ZNF804A: variants seen among roughly 807,000 people sequenced by gnomAD.
The protein encoded by ZNF804A is zinc finger protein 804A.
Under a neutral mutation model 16.5 loss-of-function variants are expected in ZNF804A, and 2 were observed. The observed-to-expected ratio is 0.12, with a 90% CI of 0.05 to 0.38. ZNF804A has a LOEUF of 0.38. ZNF804A is among the 10% of genes least tolerant of loss of function. The pLI, the probability that ZNF804A is intolerant of heterozygous loss-of-function variation, is 0.99. For synonymous variants in ZNF804A, 534 were observed against 489.6 expected (o/e 1.09, Z -1.20); for missense variants, 1,473 against 1,390.7 (o/e 1.06, Z -0.94).
intron 1 of ZNF804A, among the ~76,000 whole-genome samples, chr2:184,810,094 C>G (rs1469543214): frequency 6.6e-6 from 1 of 152,156 alleles, no homozygotes; most frequent in Non-Finnish European, 1.5e-5. Context: ...GTCTGAAATA[C>G]TGGTGAAAAA....
At chr2:184,935,308 A>G (rs1402649456) in intron 3 of ZNF804A, among the ~76,000 whole-genome samples, 1 of 152,176 alleles carries the variant, frequency 6.6e-6, no homozygotes, top group Admixed American at 6.5e-5. Context: ...CTCTTGGTGA[A>G]TGCTGGGTGA....
intron 1 of ZNF804A, among the ~76,000 whole-genome samples, chr2:184,732,251 C>CG (rs1437805082): frequency 1.3e-5 from 1 of 79,796 alleles, no homozygotes; most frequent in African/African-American, 2.7e-5. Flanking sequence ...TGTTTAAACT[C>CG]ATTTTTTTTT....
chr2:184,787,990 C>T (rs529415323), intron 1 of ZNF804A, among the ~76,000 whole-genome samples: 2 of 151,840 alleles, frequency 1.3e-5, no homozygotes, highest in East Asian at 3.9e-4. Flanking sequence ...AGGTTTAGGC[C>T]TTTAATCCTT....
At position 184,849,498 on chromosome 2, in the gene ZNF804A, A is replaced by G. The variant is rs145557849; in HGVS notation, c.112-16871A>G. Among the ~76,000 whole-genome samples, 605 of 152,190 alleles carry G rather than the reference A, an allele frequency of 4.0e-3. 4 individuals carry two copies. Among genetic ancestry groups the G allele is most frequent in the African/African-American group, 0.014 (569 of 41,562 alleles). On this transcript the variant is annotated intron_variant, in intron 1 of 3. Coordinates refer to ENST00000302277, the MANE Select transcript of ZNF804A (RefSeq NM_194250.2). Reference sequence around the variant, plus strand: ...ATATGAAAAAATGCTCAATGCCACTAAACATCAGAGAACTGTAAATCAAAA... The same window carrying G: ...ATATGAAAAAATGCTCAATGCCACTGAACATCAGAGAACTGTAAATCAAAA...
chr2:184,906,394 G>A (rs892575620), intron 2 of ZNF804A, among the ~76,000 whole-genome samples: 8 of 152,084 alleles, frequency 5.3e-5, no homozygotes, highest in Non-Finnish European at 7.4e-5. Context: ...AACCTTCCAG[G>A]CTCAAGCAAT....
intron 2 of ZNF804A, among the ~76,000 whole-genome samples, chr2:184,882,179 TC>T (rs2105818183): frequency 6.6e-6 from 1 of 151,614 alleles, no homozygotes; most frequent in Admixed American, 6.6e-5. Context: ...ACAACAAATA[TC>T]AAAAAAAGAC....
chr2:184,743,913 T>C (rs959633494), intron 1 of ZNF804A, among the ~76,000 whole-genome samples: 1 of 151,968 alleles, frequency 6.6e-6, no homozygotes, highest in Non-Finnish European at 1.5e-5. Context: ...GATTTAGTAG[T>C]ATAAGAAGTA....
At chr2:184,780,638 G>T (rs1694358539) in intron 1 of ZNF804A, among the ~76,000 whole-genome samples, 1 of 151,678 alleles carries the variant, frequency 6.6e-6, no homozygotes, top group Non-Finnish European at 1.5e-5. Context: ...CTGGGGCAAG[G>T]TTTTTGACAC....
intron 1 of ZNF804A, among the ~76,000 whole-genome samples, chr2:184,847,869 T>A (rs1218662852): frequency 6.6e-6 from 1 of 152,014 alleles, no homozygotes; most frequent in African/African-American, 2.4e-5. Context: ...TTATTACTAG[T>A]TCATTGCAAA....
intron 1 of ZNF804A, among the ~76,000 whole-genome samples, chr2:184,642,503 G>T (rs1437711458): frequency 6.6e-6 from 1 of 152,114 alleles, no homozygotes; most frequent in Non-Finnish European, 1.5e-5. Context: ...TTCATAACCC[G>T]TAATTGTTTT....
At chr2:184,607,312 T>C (rs945267781) in intron 1 of ZNF804A, among the ~76,000 whole-genome samples, 1 of 152,182 alleles carries the variant, frequency 6.6e-6, no homozygotes, top group Non-Finnish European at 1.5e-5. Context: ...TAATTGAGAC[T>C]AGGTAATTAT....
At chr2:184,816,375 C>T (rs926686113) in intron 1 of ZNF804A, among the ~76,000 whole-genome samples, 22 of 151,890 alleles carry the variant, frequency 1.4e-4, no homozygotes, top group Non-Finnish European at 2.9e-4. Context: ...ATAGTTTTAT[C>T]CTTCGAGGGG....
At chr2:184,805,338 C>T (rs1356880859) in intron 1 of ZNF804A, among the ~76,000 whole-genome samples, 1 of 152,070 alleles carries the variant, frequency 6.6e-6, no homozygotes, top group Non-Finnish European at 1.5e-5. Flanking sequence ...TGCCTTCTGT[C>T]TTTAACTTAC....
At chr2:184,734,873 G>T (rs1188677143) in intron 1 of ZNF804A, among the ~76,000 whole-genome samples, 18 of 152,060 alleles carry the variant, frequency 1.2e-4, no homozygotes, top group Non-Finnish European at 1.5e-5. Flanking sequence ...ATTAATGATT[G>T]TTATGTCTTC....
At chr2:184,774,006 A>C (rs1694253966) in intron 1 of ZNF804A, among the ~76,000 whole-genome samples, 1 of 151,820 alleles carries the variant, frequency 6.6e-6, no homozygotes, top group Non-Finnish European at 1.5e-5. Flanking sequence ...TGTGTCAGTA[A>C]AAATTAGAAA....
intron 1 of ZNF804A, among the ~76,000 whole-genome samples, chr2:184,747,099 A>G (rs1208240969): frequency 1.3e-5 from 2 of 151,232 alleles, no homozygotes; most frequent in Non-Finnish European, 3.0e-5. Context: ...CAATATTTTG[A>G]GCCAGTTCAA....
intron 1 of ZNF804A, among the ~76,000 whole-genome samples, chr2:184,836,628 ATAT>A (rs1200349047): frequency 6.6e-6 from 1 of 151,860 alleles, no homozygotes; most frequent in Non-Finnish European, 1.5e-5. Flanking sequence ...ATAAACATAG[ATAT>A]TATAGGTAGA....
At chr2:184,789,738 T>C (rs945471764) in intron 1 of ZNF804A, among the ~76,000 whole-genome samples, 1 of 152,128 alleles carries the variant, frequency 6.6e-6, no homozygotes, top group Non-Finnish European at 1.5e-5. Context: ...ACAGTGTAGC[T>C]AGTAGTCTGT....
chr2:184,658,693 A>G (rs1306366663), intron 1 of ZNF804A, among the ~76,000 whole-genome samples: 1 of 152,232 alleles, frequency 6.6e-6, no homozygotes, highest in Non-Finnish European at 1.5e-5. Context: ...CCCAATAATC[A>G]GTGCTCCCTA....
Sources: gnomAD v4.1 joint callset for allele counts (sites outside exome capture counted in the v4.1 genomes callset) on GRCh38, gnomAD v4.1.1 for gene constraint, MANE v1.5 for transcripts, NCBI Gene and HGNC (gene_info 2026-07-23, HGNC 2026-07-21) for gene names.